Variants in WNT7A observed in about 807,000 individuals in gnomAD.
The protein encoded by WNT7A is Wnt family member 7A, also known as protein Wnt-7a.
Under a neutral mutation model 28.2 loss-of-function variants are expected in WNT7A, and 16 were observed. That is an observed-to-expected ratio of 0.57 (90% CI 0.38 to 0.86). The LOEUF (loss-of-function observed/expected upper bound fraction) is 0.86, where lower values mean the gene tolerates loss of function less well. WNT7A is among the 40% of genes least tolerant of loss of function. The pLI, the probability that WNT7A is intolerant of heterozygous loss-of-function variation, is 0.00. For missense variants in WNT7A, 411 were observed against 489.7 expected (o/e 0.84, Z 1.52); for synonymous variants, 190 against 195.9 (o/e 0.97, Z 0.25).
intron 2 of WNT7A, among the ~76,000 whole-genome samples, chr3:13,863,082 G>A (rs902897343): frequency 6.6e-6 from 1 of 152,140 alleles, no homozygotes; most frequent in Non-Finnish European, 1.5e-5. Context: ...TACCTCCCAG[G>A]GTTGTTGGGA....
intron 2 of WNT7A, among the ~76,000 whole-genome samples, chr3:13,858,627 C>T (rs1408156877): frequency 6.6e-6 from 1 of 152,192 alleles, no homozygotes; most frequent in African/African-American, 2.4e-5. Flanking sequence ...GAGGTCTCAT[C>T]AAGTGCCATG....
chr3:13,870,222 T>C (rs73021643), intron 2 of WNT7A, among the ~76,000 whole-genome samples: 2,856 of 152,248 alleles, frequency 0.019, 42 homozygotes, highest in Non-Finnish European at 0.03. Flanking sequence ...TAAAGAAGTA[T>C]TATAATTAAG....
chr3:13,824,385 C>T (rs1465965818), intron 3 of WNT7A, among the ~76,000 whole-genome samples: 1 of 152,220 alleles, frequency 6.6e-6, no homozygotes, highest in Non-Finnish European at 1.5e-5. Context: ...TTCCTTCACT[C>T]AGCATAAAGT....
chr3:13,867,113 C>A (rs993960454), intron 2 of WNT7A, among the ~76,000 whole-genome samples: 56 of 152,232 alleles, frequency 3.7e-4, no homozygotes, highest in African/African-American at 1.3e-3. Context: ...GGATGTCATC[C>A]AATGGATAAC....
At chr3:13,834,740 C>T (rs538584242) in intron 3 of WNT7A, among the ~76,000 whole-genome samples, 6 of 152,214 alleles carry the variant, frequency 3.9e-5, no homozygotes, top group Non-Finnish European at 8.8e-5. Flanking sequence ...CCCTATGAGG[C>T]TCTCCCTGAC....
intron 2 of WNT7A, among the ~76,000 whole-genome samples, chr3:13,857,004 G>A (rs781578690): frequency 5.3e-5 from 8 of 151,390 alleles, no homozygotes; most frequent in Non-Finnish European, 1.2e-4. Flanking sequence ...AGAAGAAGAA[G>A]AAGGAAGAAA....
At chr3:13,854,453 C>A in intron 3 of WNT7A, 79 bp downstream of exon 3, 1 of 1,606,798 alleles carries the variant, frequency 6.2e-7, no homozygotes, top group Non-Finnish European at 8.5e-7. Context: ...TCAACAGACA[C>A]CCAGCACCAG....
At chr3:13,878,261 C>T (rs1319199279) in intron 1 of WNT7A, among the ~76,000 whole-genome samples, 1 of 152,160 alleles carries the variant, frequency 6.6e-6, no homozygotes, top group African/African-American at 2.4e-5. Context: ...CTGTCTCCCC[C>T]GCCACCCGTG....
At chr3:13,837,831 A>G (rs1448057094) in intron 3 of WNT7A, among the ~76,000 whole-genome samples, 1 of 152,106 alleles carries the variant, frequency 6.6e-6, no homozygotes, top group Non-Finnish European at 1.5e-5. Flanking sequence ...GCCAGCTACC[A>G]AAGAAGCCCT....
intron 3 of WNT7A, among the ~76,000 whole-genome samples, chr3:13,842,232 A>G (rs150088919): frequency 3.4e-3 from 525 of 152,306 alleles, no homozygotes; most frequent in Admixed American, 6.1e-3. Context: ...GTGTGTTCCT[A>G]CAGGGAAGAG....
At chr3:13,830,216 T>G (rs1694259352) in intron 3 of WNT7A, among the ~76,000 whole-genome samples, 3 of 152,056 alleles carry the variant, frequency 2.0e-5, no homozygotes, top group Admixed American at 2.0e-4. Context: ...GATCACATGG[T>G]AAAGGTGGGC....
chr3:13,839,225 TGTC>T (rs1341866149), intron 3 of WNT7A, among the ~76,000 whole-genome samples: 1 of 152,186 alleles, frequency 6.6e-6, no homozygotes, highest in African/African-American at 2.4e-5. Flanking sequence ...CCTGGAAACT[TGTC>T]GGAAATGCAG....
intron 2 of WNT7A, among the ~76,000 whole-genome samples, chr3:13,868,487 CGAAAGAAA>C (rs1553576646): frequency 1.8e-5 from 2 of 109,522 alleles, no homozygotes; most frequent in African/African-American, 3.4e-5. Flanking sequence ...AAGGAAAGAA[CGAAAGAAA>C]GAAAGAAAGA....
chr3:13,868,610 G>GAA (rs1490844387), intron 2 of WNT7A, among the ~76,000 whole-genome samples: 2 of 15,630 alleles, frequency 1.3e-4, no homozygotes, highest in African/African-American at 2.3e-4. Context: ...AAGAAAGAAA[G>GAA]AGAGAGAGAG....
At chr3:13,875,478 T>G (rs1695097298) in intron 1 of WNT7A, among the ~76,000 whole-genome samples, 1 of 152,090 alleles carries the variant, frequency 6.6e-6, no homozygotes, top group Non-Finnish European at 1.5e-5. Context: ...CAAGTTGCCT[T>G]TGAGTTTATG....
At chr3:13,872,536 C>A (rs59694948) in intron 2 of WNT7A, among the ~76,000 whole-genome samples, 3,195 of 152,200 alleles carry the variant, frequency 0.021, 52 homozygotes, top group Middle Eastern at 0.034. Flanking sequence ...CAGGCTCCTC[C>A]GACCAACTGC....
At chr3:13,869,427 A>AAG (rs1694993183) in intron 2 of WNT7A, among the ~76,000 whole-genome samples, 1 of 124,464 alleles carries the variant, frequency 8.0e-6, no homozygotes, top group African/African-American at 3.1e-5. Flanking sequence ...AGAAACAAAG[A>AAG]AAAGAAGAAA....
rs548810444 is a variant in WNT7A at position 13,860,057 on chromosome 3, G to GT, written c.299-5255dup. On this transcript the variant is annotated intron_variant, in intron 2 of 3. Coordinates refer to ENST00000285018, the MANE Select transcript of WNT7A (RefSeq NM_004625.4). ...AGCACAGAGTTAGCCAGACACTTGG[G>GT]TTTTTTTTTTTAAGGAAGATGGGAA... is the stretch of plus-strand genomic sequence containing the variant. Among the ~76,000 whole-genome samples, 1,126 of 147,554 alleles carry GT rather than the reference G, an allele frequency of 7.6e-3. 13 individuals carry two copies. Among genetic ancestry groups the GT allele is most frequent in the South Asian group, 0.036 (165 of 4,642 alleles).
At position 13,854,600 on chromosome 3, in the gene WNT7A, C is replaced by T; in HGVS notation, c.502G>A (p.Asp168Asn). ...YGIGFAKVFV[D>N]AREIKQNART... ...GCATTCTGCTTGATCTCCCGGGCAT[C>T]CACAAAGACCTTGGCGAAGCCGATG... The change falls in exon 3 of 4, where the codon GAT (aspartate) becomes AAT (asparagine). Residue 168 changes from aspartate to asparagine, a missense_variant. Physicochemically the swap from Asp to Asn is conservative, Grantham distance 23. Transcript: ENST00000285018. 4 of 1,614,202 alleles carry T rather than the reference C, an allele frequency of 2.5e-6. No homozygotes were observed. The highest frequency in any genetic ancestry group is 3.4e-6 in the Non-Finnish European group (4 of 1,180,046).
Sources: gnomAD v4.1 joint callset for allele counts (sites outside exome capture counted in the v4.1 genomes callset) on GRCh38, gnomAD v4.1.1 for gene constraint, MANE v1.5 for transcripts, NCBI Gene and HGNC (gene_info 2026-07-23, HGNC 2026-07-21) for gene names.